LY86: variants seen among roughly 807,000 people sequenced by gnomAD.
The protein encoded by LY86 is MD-1, RP105-associated.
Under a neutral mutation model 17.3 loss-of-function variants are expected in LY86, and 20 were observed. The ratio of observed to expected loss-of-function variants is 1.15; its 90% CI spans 0.81 to 1.68. LY86 has a LOEUF of 1.68. Among genes scored for constraint, LY86 ranks in the 40% most tolerant of loss-of-function variants. The pLI is 0.00. For synonymous variants in LY86, 74 were observed against 70.6 expected (o/e 1.05, Z -0.24); for missense variants, 200 against 191.9 (o/e 1.04, Z -0.25).
intron 1 of LY86, among the ~76,000 whole-genome samples, chr6:6,604,330 T>TA (rs1761023612): frequency 6.6e-6 from 1 of 152,132 alleles, no homozygotes; most frequent in Non-Finnish European, 1.5e-5. Context: ...ATAAAATGTA[T>TA]AGCTTCTTTA....
rs377168640 is a variant in LY86 at position 6,601,378 on chromosome 6, G to C, written c.136+12508G>C. 2.0e-3 allele frequency among the ~76,000 whole-genome samples: 134 copies of C among 68,538 alleles called. 1 individual carries two copies. In the South Asian group the frequency reaches 0.061, roughly 31 times the overall value. The allele number at this position is 68,538 out of a possible 152,430, so 45.0% of individuals were successfully genotyped here. ...AAACATGGAAATATCTTCATGGAAA[G>C]GGCAGATGATGAAGAGGGTAAGCTG... On this transcript the variant is annotated intron_variant, in intron 1 of 4. Coordinates refer to ENST00000230568, the MANE Select transcript of LY86 (RefSeq NM_004271.4).
intron 1 of LY86, among the ~76,000 whole-genome samples, chr6:6,606,535 C>T (rs972890678): frequency 1.2e-4 from 19 of 152,224 alleles, no homozygotes; most frequent in African/African-American, 3.9e-4. Flanking sequence ...CGGCGCTCGT[C>T]GGGGAGGCTT....
At chr6:6,600,587 C>CAAAAAAAAAAAAAAA (rs59560744) in intron 1 of LY86, among the ~76,000 whole-genome samples, 23 of 82,452 alleles carry the variant, frequency 2.8e-4, no homozygotes, top group South Asian at 4.2e-4. Context: ...GAGACTCCAT[C>CAAAAAAAAAAAAAAA]AAAAAAAAAA....
chr6:6,646,285 G>A (rs1384342673), intron 3 of LY86, among the ~76,000 whole-genome samples: 1 of 152,204 alleles, frequency 6.6e-6, no homozygotes, highest in Admixed American at 6.5e-5. Flanking sequence ...AGCCCAGATA[G>A]TCTGACCCCT....
chr6:6,607,084 C>G (rs970562016), intron 1 of LY86, among the ~76,000 whole-genome samples: 2 of 152,262 alleles, frequency 1.3e-5, no homozygotes, highest in Non-Finnish European at 2.9e-5. Flanking sequence ...ATGTTGGAGG[C>G]TGCCTAGTGC....
At position 6,637,088 on chromosome 6, in the gene LY86, C is replaced by T. The variant is rs192087309; in HGVS notation, c.352+10667C>T. ...TGCAGTGTGATGTGATCTCGGCTCA[C>T]TGCAAGCTCCGCCTCCCAGGTTCAT... On this transcript the variant is annotated intron_variant, in intron 3 of 4. Transcript: ENST00000230568. Among the ~76,000 whole-genome samples, 888 of 148,848 alleles carry T rather than the reference C, an allele frequency of 6.0e-3. 5 individuals carry two copies. Among genetic ancestry groups the T allele is most frequent in the Non-Finnish European group, 0.01 (677 of 67,468 alleles).
chr6:6,637,525 C>T (rs1034108000), intron 3 of LY86, among the ~76,000 whole-genome samples: 5 of 152,154 alleles, frequency 3.3e-5, no homozygotes, highest in African/African-American at 4.8e-5. Context: ...AATCCTTGAC[C>T]GTTATGGAAT....
chr6:6,626,629 A>T (rs569022166), intron 3 of LY86, among the ~76,000 whole-genome samples: 1 of 152,318 alleles, frequency 6.6e-6, no homozygotes, highest in South Asian at 2.1e-4. Context: ...GTGAATATCA[A>T]AATGAAATGA....
intron 3 of LY86, among the ~76,000 whole-genome samples, chr6:6,628,213 G>T (rs1440457278): frequency 6.6e-6 from 1 of 150,962 alleles, no homozygotes; most frequent in Non-Finnish European, 1.5e-5. Context: ...GGCCAACCCC[G>T]AGCTCCTCAA....
chr6:6,649,542 A>G, intron 3 of LY86, 83 bp from the exon 4 acceptor site: 1 of 862,176 alleles, frequency 1.2e-6, no homozygotes, highest in Admixed American at 2.3e-5. Context: ...ATTGTCACAC[A>G]TCTGTGTAAC....
intron 3 of LY86, among the ~76,000 whole-genome samples, chr6:6,639,154 T>C (rs1762003068): frequency 6.6e-6 from 1 of 151,720 alleles, no homozygotes. Flanking sequence ...GAAATCATCA[T>C]TCTCAGCTCT....
chr6:6,634,881 T>A (rs1561790623), intron 3 of LY86, among the ~76,000 whole-genome samples: 1 of 152,210 alleles, frequency 6.6e-6, no homozygotes, highest in African/African-American at 2.4e-5. Context: ...CTGCCTAGAT[T>A]TGGAAAAAAT....
intron 3 of LY86, among the ~76,000 whole-genome samples, chr6:6,628,157 A>G (rs1761830565): frequency 6.6e-6 from 1 of 151,980 alleles, no homozygotes; most frequent in Non-Finnish European, 1.5e-5. Context: ...TGGTGAACTC[A>G]TCATTAGTCC....
intron 1 of LY86, among the ~76,000 whole-genome samples, chr6:6,622,330 G>A (rs559238571): frequency 7.2e-5 from 11 of 152,068 alleles, no homozygotes; most frequent in South Asian, 2.1e-4. Flanking sequence ...AACACAATAC[G>A]TACTTAGCCT....
Position 6,621,309 on chromosome 6 carries a change from C to T in LY86, c.137-3617C>T, listed in dbSNP as rs1433929821. The T allele has an allele frequency of 2.0e-5, 3 of 152,308 alleles. No individual in the cohort carries two copies. In the South Asian group the frequency reaches 6.2e-4, roughly 32 times the overall value. 9.4% of individuals were successfully genotyped at this position (152,308 alleles called of 1,614,324 possible). A position where few individuals can be genotyped will look rare whatever the true frequency, so the allele number is the denominator to read the frequency against. On this transcript the variant is annotated intron_variant, in intron 1 of 4. Transcript: ENST00000230568. ...GTCCAAAGTCAGATGATCCGTCTTA[C>T]ATGTATTAAAAGTTACTGAGGCAAG... is the stretch of plus-strand genomic sequence containing the variant.
At chr6:6,605,668 A>G (rs2113102007) in intron 1 of LY86, among the ~76,000 whole-genome samples, 2 of 152,362 alleles carry the variant, frequency 1.3e-5, no homozygotes, top group East Asian at 3.9e-4. Context: ...TCTGGAATTG[A>G]TGGGTTCTTC....
At chr6:6,618,051 G>T (rs777848434) in intron 1 of LY86, among the ~76,000 whole-genome samples, 1 of 152,198 alleles carries the variant, frequency 6.6e-6, no homozygotes, top group African/African-American at 2.4e-5. Context: ...ATGTTGGCCA[G>T]GCTGGTCTTG....
rs3804466 is a variant in LY86 at position 6,598,294 on chromosome 6, T to G, written c.136+9424T>G. 3.9e-3 allele frequency among the ~76,000 whole-genome samples: 584 copies of G among 150,914 alleles called. 9 individuals are homozygous for G. In the East Asian group the frequency reaches 0.06, roughly 16 times the overall value. ...AATTATCACAAAATTATTCAACTCATTTTTTTTCTTAACCTCATTTCAAAA... is the reference window on the plus strand; with the variant it reads ...AATTATCACAAAATTATTCAACTCAGTTTTTTTCTTAACCTCATTTCAAAA... On this transcript the variant is annotated intron_variant, in intron 1 of 4. Transcript: ENST00000230568.
chr6:6,614,054 A>T (rs1027581598), intron 1 of LY86, among the ~76,000 whole-genome samples: 3 of 152,210 alleles, frequency 2.0e-5, no homozygotes, highest in Non-Finnish European at 4.4e-5. Context: ...TACAGCCTGT[A>T]TTGGTTCCCG....
Sources: gnomAD v4.1 joint callset for allele counts (sites outside exome capture counted in the v4.1 genomes callset) on GRCh38, gnomAD v4.1.1 for gene constraint, MANE v1.5 for transcripts, NCBI Gene and HGNC (gene_info 2026-07-23, HGNC 2026-07-21) for gene names.